ASIC2: variants seen among roughly 807,000 people sequenced by gnomAD.
ASIC2 encodes the protein acid-sensing ion channel 2.
Under a neutral mutation model 57.3 loss-of-function variants are expected in ASIC2, and 25 were observed. The observed-to-expected ratio is 0.44, with a 90% CI of 0.32 to 0.61. ASIC2 has a LOEUF of 0.61. Among genes scored for constraint, ASIC2 ranks in the 20% least tolerant of loss-of-function variants. The pLI, the probability that ASIC2 is intolerant of heterozygous loss-of-function variation, is 0.06. For missense variants in ASIC2, 641 were observed against 738.1 expected (o/e 0.87, Z 1.52); for synonymous variants, 319 against 307.5 (o/e 1.04, Z -0.39).
chr17:34,059,267 A>T (rs1290922210), intron 1 of ASIC2, among the ~76,000 whole-genome samples: 3 of 152,212 alleles, frequency 2.0e-5, no homozygotes, highest in Admixed American at 2.0e-4. Flanking sequence ...TTGTGGGAGA[A>T]GCTTCTGACT....
intron 1 of ASIC2, chr17:34,039,378 C>T (rs562840119): frequency 6.8e-6 from 11 of 1,613,812 alleles, no homozygotes; most frequent in African/African-American, 2.7e-5. Flanking sequence ...CTCCCCTTTG[C>T]GCCAGCTGCT....
intron 1 of ASIC2, among the ~76,000 whole-genome samples, chr17:34,119,879 C>G (rs190446700): frequency 6.6e-6 from 1 of 152,162 alleles, no homozygotes; most frequent in Non-Finnish European, 1.5e-5. Flanking sequence ...TGAGCACTAA[C>G]GTATATTATC....
intron 1 of ASIC2, among the ~76,000 whole-genome samples, chr17:34,029,696 G>A (rs138395573): frequency 5.3e-4 from 81 of 152,308 alleles, no homozygotes; most frequent in African/African-American, 1.8e-3. Flanking sequence ...TGCACTGTGA[G>A]GACACAGTGA....
At chr17:33,348,143 T>A (rs549060340) in intron 1 of ASIC2, among the ~76,000 whole-genome samples, 1 of 152,064 alleles carries the variant, frequency 6.6e-6, no homozygotes, top group Non-Finnish European at 1.5e-5. Context: ...GGAAATAAGG[T>A]CAACAAACTG....
intron 1 of ASIC2, among the ~76,000 whole-genome samples, chr17:33,337,517 G>A (rs959375569): frequency 6.6e-6 from 1 of 152,192 alleles, no homozygotes. Context: ...TTGAGCCTCA[G>A]TTTGCTCAAC....
chr17:33,812,885 C>G (rs528659837), intron 1 of ASIC2, among the ~76,000 whole-genome samples: 7 of 152,274 alleles, frequency 4.6e-5, no homozygotes, highest in South Asian at 2.1e-4. Context: ...GTCTTCTTGG[C>G]AGGACTGGTG....
chr17:33,593,550 G>T (rs35875280), intron 1 of ASIC2, among the ~76,000 whole-genome samples: 8,076 of 152,276 alleles, frequency 0.053, 314 homozygotes, highest in African/African-American at 0.1. Context: ...TTGCCTCTTG[G>T]TCAGGTTTTC....
chr17:34,032,350 C>A (rs974934362), intron 1 of ASIC2, among the ~76,000 whole-genome samples: 1 of 152,220 alleles, frequency 6.6e-6, no homozygotes. Context: ...CCTACAAGAG[C>A]TCCTGAAGGA....
intron 1 of ASIC2, among the ~76,000 whole-genome samples, chr17:33,124,759 T>G (rs968342234): frequency 1.3e-5 from 2 of 152,206 alleles, no homozygotes; most frequent in Non-Finnish European, 2.9e-5. Flanking sequence ...GTGCACTTTA[T>G]TTCTATTATT....
intron 1 of ASIC2, among the ~76,000 whole-genome samples, chr17:33,402,692 G>A (rs1428679901): frequency 6.6e-6 from 1 of 152,124 alleles, no homozygotes; most frequent in African/African-American, 2.4e-5. Context: ...TATCATTGAT[G>A]GGCTTTTGAG....
chr17:33,117,688 T>C (rs1005132366), intron 1 of ASIC2, among the ~76,000 whole-genome samples: 2 of 152,188 alleles, frequency 1.3e-5, no homozygotes, highest in African/African-American at 4.8e-5. Flanking sequence ...CTGTGGTCAT[T>C]CTCAATTCCA....
intron 1 of ASIC2, among the ~76,000 whole-genome samples, chr17:34,140,606 T>A (rs1352426349): frequency 1.3e-5 from 2 of 152,050 alleles, no homozygotes; most frequent in African/African-American, 2.4e-5. Context: ...AAAAAAAACT[T>A]TCAAAAAATA....
chr17:33,544,603 A>G (rs1915521406), intron 1 of ASIC2, among the ~76,000 whole-genome samples: 2 of 152,186 alleles, frequency 1.3e-5, no homozygotes, highest in African/African-American at 4.8e-5. Context: ...TGAATGCTAC[A>G]TTTCGTTGAC....
intron 1 of ASIC2, among the ~76,000 whole-genome samples, chr17:33,639,782 G>C (rs918755087): frequency 7.1e-6 from 1 of 141,118 alleles, no homozygotes. Flanking sequence ...AAAAAAAGCG[G>C]AACAAAGCCC....
chr17:34,019,067 C>T lies in ASIC2; in HGVS notation c.555+136911G>A, dbSNP rs1655921275. On this transcript the variant is annotated intron_variant, in intron 1 of 9. Coordinates refer to the ASIC2 transcript ENST00000359872. ...GGACTACAGGCGCCCGCCACCACGC[C>T]TGGCTAATTTTTTGTATTTTTTAGT... Among the ~76,000 whole-genome samples, 3 of 152,154 alleles carry T rather than the reference C, an allele frequency of 2.0e-5. No homozygotes were observed. In the South Asian group the frequency reaches 6.2e-4, roughly 32 times the overall value.
At chr17:34,099,454 AAAAG>A (rs151207528) in intron 1 of ASIC2, among the ~76,000 whole-genome samples, 65,986 of 136,232 alleles carry the variant, frequency 0.48, 19,308 homozygotes, top group Non-Finnish European at 0.64. Flanking sequence ...AGAAAGAAAG[AAAAG>A]AAAGAAAGAG....
intron 1 of ASIC2, among the ~76,000 whole-genome samples, chr17:33,355,655 A>G (rs1029939992): frequency 6.6e-6 from 1 of 152,216 alleles, no homozygotes; most frequent in African/African-American, 2.4e-5. Context: ...ACAACCCTTG[A>G]TAAATAGTAG....
Position 33,722,072 on chromosome 17 carries a change from C to T in ASIC2, c.555+433906G>A, listed in dbSNP as rs192067828. Among the ~76,000 whole-genome samples, 529 of 152,326 alleles carry T rather than the reference C, an allele frequency of 3.5e-3. 4 individuals are homozygous for T. The highest frequency in any genetic ancestry group is 6.8e-3 in the Middle Eastern group (2 of 294). Reference sequence around the variant, plus strand: ...ATATGGTTTGGCTCTGTGTCCCGACCCAAATCTCACCTCGCATTGTAATAA... The same window carrying T: ...ATATGGTTTGGCTCTGTGTCCCGACTCAAATCTCACCTCGCATTGTAATAA... On this transcript the variant is annotated intron_variant, in intron 1 of 9. Coordinates refer to the ASIC2 transcript ENST00000359872.
At chr17:33,794,761 G>A (rs1237676754) in intron 1 of ASIC2, 4 of 152,054 alleles carry the variant, frequency 2.6e-5, no homozygotes, top group Non-Finnish European at 5.9e-5. Flanking sequence ...TGTTGATATA[G>A]CATATTTATT....
Sources: gnomAD v4.1 joint callset for allele counts (sites outside exome capture counted in the v4.1 genomes callset) on GRCh38, gnomAD v4.1.1 for gene constraint, MANE v1.5 for transcripts, NCBI Gene and HGNC (gene_info 2026-07-23, HGNC 2026-07-21) for gene names.